The following GRM8 variants were observed in gnomAD, a reference collection of about 807,000 sequenced individuals.
GRM8 encodes the protein glutamate metabotropic receptor 8.
A neutral mutation model predicts 87.2 loss-of-function variants in GRM8; 47 were observed. That is an observed-to-expected ratio of 0.54 (90% CI 0.43 to 0.69). GRM8 has a LOEUF of 0.69. Among genes scored for constraint, GRM8 ranks in the 30% least tolerant of loss-of-function variants. GRM8 has a pLI of 0.00. For missense variants in GRM8, 1,019 were observed against 1,139.2 expected (o/e 0.89, Z 1.52); for synonymous variants, 396 against 404.5 (o/e 0.98, Z 0.25).
At chr7:127,182,665 G>C (rs1794527656) in intron 2 of GRM8, among the ~76,000 whole-genome samples, 2 of 114,524 alleles carry the variant, frequency 1.7e-5, no homozygotes. Context: ...GTGTGTGTGT[G>C]TGTGTGTGTG....
intron 2 of GRM8, among the ~76,000 whole-genome samples, chr7:127,203,875 GA>G (rs908376476): frequency 2.2e-4 from 33 of 149,514 alleles, no homozygotes; most frequent in African/African-American, 5.9e-4. Flanking sequence ...AGAAGAAAGA[GA>G]AAAAAAAACT....
chr7:126,769,853 G>A lies in GRM8; in HGVS notation c.1357+12C>T, dbSNP rs202091158. The A allele has an allele frequency of 1.1e-4, 160 of 1,475,436 alleles. No homozygotes were observed. Among genetic ancestry groups the A allele is most frequent in the Admixed American group, 4.1e-4 (24 of 58,870 alleles). 91.4% of individuals were successfully genotyped at this position (1,475,436 alleles called of 1,614,324 possible). A position where few individuals can be genotyped will look rare whatever the true frequency, so the allele number is the denominator to read the frequency against. On this transcript the variant is annotated intron_variant, in intron 7 of 10. Transcript: ENST00000339582. Reference sequence around the variant, plus strand: ...TTTTAATGTATTTAGACACACACACGTTGTAACTTACCATTAAAATTTACA... The same window carrying A: ...TTTTAATGTATTTAGACACACACACATTGTAACTTACCATTAAAATTTACA...
At chr7:126,897,100 C>T (rs1207744750) in intron 6 of GRM8, among the ~76,000 whole-genome samples, 1 of 152,118 alleles carries the variant, frequency 6.6e-6, no homozygotes, top group Non-Finnish European at 1.5e-5. Flanking sequence ...TTTACTGGAT[C>T]AGTCAAGGGA....
intron 3 of GRM8, among the ~76,000 whole-genome samples, chr7:127,094,356 C>A (rs1275772134): frequency 1.3e-5 from 2 of 152,202 alleles, no homozygotes; most frequent in African/African-American, 2.4e-5. Flanking sequence ...AGGCTCTGAT[C>A]ACAGAAGCTA....
intron 6 of GRM8, chr7:126,870,138 A>C (rs1244752368): frequency 6.6e-6 from 1 of 152,122 alleles, no homozygotes; most frequent in Non-Finnish European, 1.5e-5. Context: ...CTCACGAAGT[A>C]ACTTCTGCTA....
chr7:126,970,308 T>C lies in GRM8; in HGVS notation c.728-65625A>G, dbSNP rs116788370. Among the ~76,000 whole-genome samples, 691 of 152,322 alleles carry C rather than the reference T, an allele frequency of 4.5e-3. 7 individuals are homozygous for C. Among genetic ancestry groups the C allele is most frequent in the African/African-American group, 0.016 (664 of 41,562 alleles). ...CCAATAGAAGGCTGCTTTGTCTACA[T>C]TGAAAACCTCTTGTTTAACATAGCC... On this transcript the variant is annotated intron_variant, in intron 3 of 10. Transcript: ENST00000339582.
At chr7:127,104,036 C>A (rs924017129) in intron 3 of GRM8, among the ~76,000 whole-genome samples, 1 of 152,170 alleles carries the variant, frequency 6.6e-6, no homozygotes, top group African/African-American at 2.4e-5. Flanking sequence ...TTATCACTAA[C>A]CCAATTTTCA....
At chr7:127,242,665 A>C (rs753319755) in intron 2 of GRM8, 30 bp downstream of exon 2, 3 of 1,588,770 alleles carry the variant, frequency 1.9e-6, no homozygotes, top group Non-Finnish European at 1.7e-6. Context: ...GTTCTTTCAC[A>C]ATGGTCAGAA....
At chr7:126,479,999 C>T (rs1806477734) in intron 9 of GRM8, among the ~76,000 whole-genome samples, 1 of 152,070 alleles carries the variant, frequency 6.6e-6, no homozygotes, top group South Asian at 2.1e-4. Flanking sequence ...GGAATGCAGA[C>T]TGTGACGAAT....
intron 3 of GRM8, among the ~76,000 whole-genome samples, chr7:126,984,678 A>C (rs950915008): frequency 1.3e-5 from 2 of 152,108 alleles, no homozygotes; most frequent in Non-Finnish European, 2.9e-5. Flanking sequence ...AGATATAAAT[A>C]TGTCCTATTA....
intron 7 of GRM8, among the ~76,000 whole-genome samples, chr7:126,702,892 G>A (rs988997338): frequency 1.3e-5 from 2 of 152,176 alleles, no homozygotes; most frequent in African/African-American, 4.8e-5. Flanking sequence ...AAGGAGTCAT[G>A]TGGCAAATAA....
intron 6 of GRM8, among the ~76,000 whole-genome samples, chr7:126,899,601 GTA>G (rs1351274281): frequency 5.9e-5 from 9 of 152,028 alleles, no homozygotes. Context: ...CTCTGATTAC[GTA>G]TATGTTTGTG....
chr7:126,730,176 A>G (rs1414007552), intron 7 of GRM8, among the ~76,000 whole-genome samples: 1 of 152,194 alleles, frequency 6.6e-6, no homozygotes, highest in African/African-American at 2.4e-5. Context: ...AAGATTAGCA[A>G]CAGTTCCACA....
At chr7:126,967,239 T>C (rs1809969449) in intron 3 of GRM8, among the ~76,000 whole-genome samples, 1 of 152,186 alleles carries the variant, frequency 6.6e-6, no homozygotes, top group African/African-American at 2.4e-5. Flanking sequence ...ATCAAATACA[T>C]GGTTAGACCA....
chr7:126,440,935 CTAAAAATATAAAAGTGCTAATCTT>C (rs1325254922), intron 10 of GRM8, among the ~76,000 whole-genome samples: 1 of 151,848 alleles, frequency 6.6e-6, no homozygotes, highest in Non-Finnish European at 1.5e-5. Context: ...TACTAGAAAA[CTAAAAATATAAAAGTGCTAATCTT>C]TAATATTTTG....
intron 3 of GRM8, among the ~76,000 whole-genome samples, chr7:126,975,972 C>T (rs2131817866): frequency 6.6e-6 from 1 of 152,164 alleles, no homozygotes; most frequent in South Asian, 2.1e-4. Context: ...CTAACCAGGG[C>T]TCAACCCAGA....
intron 2 of GRM8, among the ~76,000 whole-genome samples, chr7:127,139,040 TATA>T (rs1828107094): frequency 6.6e-6 from 1 of 152,184 alleles, no homozygotes; most frequent in South Asian, 2.1e-4. Context: ...CAAGGTCTTC[TATA>T]ATAATAAGTG....
At chr7:126,866,234 A>AAT (rs1486115104) in intron 6 of GRM8, among the ~76,000 whole-genome samples, 2 of 152,134 alleles carry the variant, frequency 1.3e-5, no homozygotes, top group African/African-American at 4.8e-5. Context: ...TCTTTGGAGA[A>AAT]ATGTCTGTTC....
intron 2 of GRM8, among the ~76,000 whole-genome samples, chr7:127,155,346 GAGAA>G (rs1471926309): frequency 6.6e-6 from 1 of 152,108 alleles, no homozygotes; most frequent in African/African-American, 2.4e-5. Context: ...ATGTTGTTTG[GAGAA>G]ATTTATTTTC....
Sources: allele counts gnomAD v4.1 joint callset (sites outside exome capture counted in the v4.1 genomes callset), GRCh38; gene constraint gnomAD v4.1.1; transcripts MANE v1.5; gene names NCBI Gene and HGNC (gene_info 2026-07-23, HGNC 2026-07-21).